TENT2: variants seen among roughly 807,000 people sequenced by gnomAD.
The protein encoded by TENT2 is poly(A) RNA polymerase GLD2.
A neutral mutation model predicts 72.2 loss-of-function variants in TENT2; 44 were observed. The ratio of observed to expected loss-of-function variants is 0.61; its 90% confidence interval spans 0.48 to 0.78. The LOEUF (loss-of-function observed/expected upper bound fraction) is 0.78. Ranked by LOEUF, TENT2 falls within the 30% of genes least tolerant of loss-of-function variation. The probability of loss-of-function intolerance (pLI) is 0.00; values close to 1 mark genes in which losing one functional copy is unlikely to be tolerated. For missense variants in TENT2, 541 were observed against 569.6 expected (o/e 0.95, Z 0.51); for synonymous variants, 212 against 192.5 (o/e 1.10, Z -0.84).
chr5:79,654,500 A>T (rs1796496990), intron 10 of TENT2, among the ~76,000 whole-genome samples: 1 of 152,146 alleles, frequency 6.6e-6, no homozygotes, highest in African/African-American at 2.4e-5. Context: ...ATGAATATTC[A>T]TGGAATGTTT....
At chr5:79,633,715 TAA>T (rs1777570722) in intron 4 of TENT2, among the ~76,000 whole-genome samples, 1 of 140,306 alleles carries the variant, frequency 7.1e-6, no homozygotes, top group Admixed American at 7.1e-5. Flanking sequence ...TGTGCCAGGC[TAA>T]AAAGTTTTTT....
At chr5:79,614,923 T>C (rs1002606136) in intron 1 of TENT2, among the ~76,000 whole-genome samples, 1 of 152,228 alleles carries the variant, frequency 6.6e-6, no homozygotes, top group Non-Finnish European at 1.5e-5. Flanking sequence ...TCCTCAACTC[T>C]AGATGTCTTT....
Position 79,623,471 on chromosome 5 carries a change from G to A in TENT2, c.447G>A (p.Leu149=), listed in dbSNP as rs548592241. 3 of 1,604,990 alleles carry A rather than the reference G, an allele frequency of 1.9e-6. No individual in the cohort carries two copies. The East Asian group carries it at 6.7e-5, about 36-fold the overall frequency. The change falls in exon 4 of 15, where the codon CTG becomes CTA. Residue 149 remains leucine (L), a synonymous_variant. Transcript: ENST00000453514. The part of the protein sequence containing the change: ...IAFLEPREIT[L]PEAKDKLSQQ... ...TTTTAGAACCTAGAGAAATCACACT[G>A]CCTGAGGCCAAAGATAAGGTAATAA...
intron 4 of TENT2, among the ~76,000 whole-genome samples, chr5:79,634,522 A>T (rs927113522): frequency 6.6e-6 from 1 of 151,898 alleles, no homozygotes; most frequent in Non-Finnish European, 1.5e-5. Flanking sequence ...TATTTTTAGT[A>T]GAGATGGGGT....
In TENT2 at chr5:79,620,094, C is replaced by T. The variant is rs375446258; in HGVS notation, c.227+11C>T. The T allele has an allele frequency of 2.4e-4, 373 of 1,551,660 alleles. 4 individuals carry two copies. In the African/African-American group the frequency reaches 3.8e-3, roughly 16 times the overall value. ...ATTTCGAGGAAGGAAGTAAGTACTT[C>T]TTAATTATTTTAAAAGAATATTTTT... On this transcript the variant is annotated intron_variant, in intron 3 of 14. Coordinates refer to ENST00000453514, the MANE Select transcript of TENT2 (RefSeq NM_001114394.3).
Position 79,657,048 on chromosome 5 carries a change from A to G in TENT2, c.1071+47A>G, listed in dbSNP as rs373233275. The stretch of plus-strand genomic sequence containing the variant: ...TTATAATACATTTTATGTCAAGTGT[A>G]TGTAGAACTATTATAAGTAGTATTA... On this transcript the variant is annotated intron_variant, in intron 11 of 14. Coordinates refer to ENST00000453514, the MANE Select transcript of TENT2 (RefSeq NM_001114394.3). 3.3e-5 allele frequency: 42 copies of G among 1,279,780 alleles called. No individual in the cohort carries two copies. The African/African-American group carries it at 4.2e-4, about 13-fold the overall frequency. The allele number at this position is 1,279,780 out of a possible 1,614,324, so 79.3% of individuals were successfully genotyped here.
intron 4 of TENT2, among the ~76,000 whole-genome samples, chr5:79,639,423 A>AC (rs1782662222): frequency 6.7e-6 from 1 of 150,252 alleles, no homozygotes; most frequent in African/African-American, 2.5e-5. Flanking sequence ...ATGATTTTTA[A>AC]TTTTTTTTTC....
chr5:79,622,064 G>T (rs1580194565), intron 3 of TENT2, among the ~76,000 whole-genome samples: 1 of 152,190 alleles, frequency 6.6e-6, no homozygotes, highest in South Asian at 2.1e-4. Context: ...ACTTTGGGAG[G>T]CTGAGGTGGG....
At chr5:79,636,591 G>A (rs1780325104) in intron 4 of TENT2, among the ~76,000 whole-genome samples, 1 of 152,158 alleles carries the variant, frequency 6.6e-6, no homozygotes, top group Admixed American at 6.5e-5. Context: ...CTAGAAAGAA[G>A]CCTTCTGGGC....
chr5:79,654,313 C>A (rs1284000937), intron 10 of TENT2, among the ~76,000 whole-genome samples: 4 of 152,096 alleles, frequency 2.6e-5, no homozygotes, highest in Admixed American at 1.3e-4. Context: ...CGGCTGTAAT[C>A]CCAGCTACTT....
Position 79,686,285 on chromosome 5 carries a change from A to G in TENT2, c.*1012A>G, listed in dbSNP as rs1826000137. ...AATAAAAGCTTAATGTTTGTAAAAA[A>G]TCTCTTTTTTAGTATTTCTTTTTTC... On this transcript the variant is annotated 3_prime_UTR_variant, in exon 15 of 15. Coordinates refer to ENST00000453514, the MANE Select transcript of TENT2 (RefSeq NM_001114394.3). 6.6e-6 allele frequency: 1 copy of G among 152,386 alleles called. No individual in the cohort carries two copies. Among genetic ancestry groups the G allele is most frequent in the African/African-American group, 2.4e-5 (1 of 41,454 alleles). 9.4% of individuals were successfully genotyped at this position (152,386 alleles called of 1,614,324 possible).
At chr5:79,616,325 A>G (rs1443540943) in intron 1 of TENT2, among the ~76,000 whole-genome samples, 14 of 150,824 alleles carry the variant, frequency 9.3e-5, no homozygotes, top group Admixed American at 7.3e-4. Context: ...CAGCCTCCCA[A>G]GTAGCTGGGA....
At chr5:79,648,869 G>A in intron 9 of TENT2, 176 bp downstream of exon 9, 1 of 814,120 alleles carries the variant, frequency 1.2e-6, no homozygotes. Context: ...GAATCAAGTG[G>A]CATTTTAATA....
At chr5:79,670,651 G>A (rs978591124) in intron 12 of TENT2, among the ~76,000 whole-genome samples, 3 of 151,698 alleles carry the variant, frequency 2.0e-5, no homozygotes, top group Non-Finnish European at 4.4e-5. Flanking sequence ...TTAAGATGAA[G>A]AAAGATTAAA....
intron 10 of TENT2, among the ~76,000 whole-genome samples, chr5:79,655,402 G>T (rs987689074): frequency 6.6e-6 from 1 of 152,070 alleles, no homozygotes; most frequent in African/African-American, 2.4e-5. Context: ...TATGGTACCA[G>T]AATGAGATAA....
intron 4 of TENT2, among the ~76,000 whole-genome samples, chr5:79,627,348 T>G (rs1037210218): frequency 6.6e-6 from 1 of 152,198 alleles, no homozygotes; most frequent in Admixed American, 6.5e-5. Flanking sequence ...CATATTAGTG[T>G]CAGCATAAAC....
At chr5:79,666,245 T>TC (rs11427778) in intron 11 of TENT2, among the ~76,000 whole-genome samples, 30,696 of 151,922 alleles carry the variant, frequency 0.2, 4,584 homozygotes, top group African/African-American at 0.42. Context: ...CGCCTCGGCC[T>TC]CCTGAAGTGC....
chr5:79,623,292 C>A lies in TENT2; in HGVS notation c.268C>A (p.Arg90=), dbSNP rs780805482. The A allele has an allele frequency of 2.5e-6, 4 of 1,612,702 alleles. No individual in the cohort carries two copies. In the African/African-American group the frequency reaches 4.0e-5, roughly 16 times the overall value. ...AAAAAACCTTCCTCTTGACGGTAAA[C>A]GGCAACGTTTCCATTCACCCCACCA... ...DEKNLPLDGK[R]QRFHSPHQEP... is the part of the protein sequence containing the mutation. Residue 90 remains arginine, a synonymous_variant, in exon 4 of 15, where the codon CGG becomes AGG. Coordinates refer to ENST00000453514, the MANE Select transcript of TENT2 (RefSeq NM_001114394.3).
intron 11 of TENT2, among the ~76,000 whole-genome samples, chr5:79,659,594 A>ATATATATATATG (rs70975771): frequency 1.6e-5 from 2 of 127,598 alleles, no homozygotes; most frequent in African/African-American, 5.8e-5. Flanking sequence ...ATATATATAT[A>ATATATATATATG]ATAGCCATCG....
Sources: gnomAD v4.1 joint callset for allele counts (sites outside exome capture counted in the v4.1 genomes callset) on GRCh38, gnomAD v4.1.1 for gene constraint, MANE v1.5 for transcripts, NCBI Gene and HGNC (gene_info 2026-07-23, HGNC 2026-07-21) for gene names.